The following MYCBP2 variants were observed in gnomAD, a reference collection of about 807,000 sequenced individuals.
MYCBP2 encodes MYC binding protein 2, also known as E3 ubiquitin-protein ligase MYCBP2.
In MYCBP2, 120 loss-of-function variants were observed where a neutral mutation model predicts 525.3. The ratio of observed to expected loss-of-function variants is 0.23; its 90% confidence interval spans 0.20 to 0.27. MYCBP2 has a LOEUF of 0.27. MYCBP2 is among the 10% of genes least tolerant of loss of function. The pLI is 1.00. For synonymous variants in MYCBP2, 1,894 were observed against 1,955.8 expected, an observed-to-expected ratio of 0.97 and a Z score of 0.83; for missense variants, 4,149 against 5,657.1, an observed-to-expected ratio of 0.73 and a Z score of 8.55.
At chr13:77,235,293 C>T (rs966084343) in intron 17 of MYCBP2, among the ~76,000 whole-genome samples, 1 of 151,944 alleles carries the variant, frequency 6.6e-6, no homozygotes, top group Non-Finnish European at 1.5e-5. Flanking sequence ...TAAATAAACT[C>T]AGGACAATCA....
At chr13:77,304,594 G>T (rs1174834843) in intron 1 of MYCBP2, among the ~76,000 whole-genome samples, 1 of 152,126 alleles carries the variant, frequency 6.6e-6, no homozygotes, top group Non-Finnish European at 1.5e-5. Flanking sequence ...ACAGCTAGAA[G>T]AGAGGATTTT....
At chr13:77,249,665 G>A (rs1406188435) in intron 15 of MYCBP2, among the ~76,000 whole-genome samples, 1 of 152,092 alleles carries the variant, frequency 6.6e-6, no homozygotes, top group East Asian at 1.9e-4. Context: ...AAAGTGCTGG[G>A]ATTACAGACA....
At position 77,309,703 on chromosome 13, in the gene MYCBP2, T is replaced by C. The variant is rs993075405; in HGVS notation, c.303-13029A>G. 2.0e-5 allele frequency among the ~76,000 whole-genome samples: 3 copies of C among 152,246 alleles called. No homozygotes were observed. In the East Asian group the frequency reaches 5.8e-4, roughly 29 times the overall value. ...TTTCACTTGTCAGAGTTACTGCAAC[T>C]GTCTCTTTAAAGGTAGCCCTGCTTT... is the stretch of plus-strand genomic sequence containing the variant. On this transcript the variant is annotated intron_variant, in intron 1 of 82. Transcript: ENST00000544440.
chr13:77,171,247 T>C (rs2059117100), intron 38 of MYCBP2, among the ~76,000 whole-genome samples: 1 of 152,218 alleles, frequency 6.6e-6, no homozygotes, highest in Non-Finnish European at 1.5e-5. Context: ...TCAAATACAA[T>C]TTTTCTTTTA....
At chr13:77,280,605 T>TA (rs2076089706) in intron 3 of MYCBP2, among the ~76,000 whole-genome samples, 1 of 152,184 alleles carries the variant, frequency 6.6e-6, no homozygotes, top group African/African-American at 2.4e-5. Context: ...TTATTATAGA[T>TA]ACAGTTTCCT....
intron 21 of MYCBP2, among the ~76,000 whole-genome samples, chr13:77,213,205 T>C (rs894949557): frequency 6.6e-5 from 10 of 152,368 alleles, no homozygotes; most frequent in African/African-American, 2.4e-4. Context: ...CCAGGTGCAG[T>C]AGCTCACGCC....
At chr13:77,139,416 C>A in intron 51 of MYCBP2, 80 bp from the exon 52 acceptor site, 1 of 1,463,044 alleles carries the variant, frequency 6.8e-7, no homozygotes, top group Non-Finnish European at 9.2e-7. Context: ...GTCTGCAAAG[C>A]AGAAAAATGA....
chr13:77,304,650 G>A (rs753840677), intron 1 of MYCBP2, among the ~76,000 whole-genome samples: 1 of 152,216 alleles, frequency 6.6e-6, no homozygotes, highest in Non-Finnish European at 1.5e-5. Flanking sequence ...AATGTCGGAG[G>A]TGATAAATAT....
intron 3 of MYCBP2, among the ~76,000 whole-genome samples, chr13:77,279,796 T>C (rs1277218096): frequency 6.6e-6 from 1 of 152,188 alleles, no homozygotes; most frequent in Non-Finnish European, 1.5e-5. Context: ...CTCTAAGAGT[T>C]TATAATCTAA....
At chr13:77,307,204 C>G (rs2154373241) in intron 1 of MYCBP2, among the ~76,000 whole-genome samples, 1 of 152,260 alleles carries the variant, frequency 6.6e-6, no homozygotes, top group East Asian at 1.9e-4. Flanking sequence ...AGCTCTTACT[C>G]TATCCAAGTA....
chr13:77,118,810 T>C (rs1439311705), intron 55 of MYCBP2, among the ~76,000 whole-genome samples: 1 of 152,162 alleles, frequency 6.6e-6, no homozygotes, highest in African/African-American at 2.4e-5. Flanking sequence ...GAATCAGTGA[T>C]AAATTGCTTC....
At chr13:77,289,982 G>A (rs929169836) in intron 2 of MYCBP2, among the ~76,000 whole-genome samples, 1 of 151,892 alleles carries the variant, frequency 6.6e-6, no homozygotes, top group African/African-American at 2.4e-5. Context: ...ATCCAACAAA[G>A]GATGAGTATT....
intron 61 of MYCBP2, among the ~76,000 whole-genome samples, chr13:77,088,304 G>C (rs565750130): frequency 3.8e-4 from 58 of 152,076 alleles, no homozygotes; most frequent in African/African-American, 1.3e-3. Flanking sequence ...TGTATCTCAA[G>C]CTCTAGGCAA....
intron 14 of MYCBP2, among the ~76,000 whole-genome samples, chr13:77,252,907 C>T (rs990530082): frequency 6.6e-6 from 1 of 152,068 alleles, no homozygotes; most frequent in Non-Finnish European, 1.5e-5. Context: ...CATTCCAATA[C>T]TGGAACTATT....
At chr13:77,066,427 A>G (rs1220892046) in intron 71 of MYCBP2, among the ~76,000 whole-genome samples, 1 of 152,216 alleles carries the variant, frequency 6.6e-6, no homozygotes, top group Non-Finnish European at 1.5e-5. Flanking sequence ...CACTAAGCAC[A>G]CTACTATTTA....
At chr13:77,211,000 T>C (rs2063935887) in intron 23 of MYCBP2, among the ~76,000 whole-genome samples, 167 bp downstream of exon 23, 2 of 152,144 alleles carry the variant, frequency 1.3e-5, no homozygotes, top group Admixed American at 1.3e-4. Context: ...TTAACCACTA[T>C]GCTACAGTAT....
chr13:77,278,731 C>T (rs2075881510), intron 4 of MYCBP2, 27 bp downstream of exon 4: 1 of 1,462,754 alleles, frequency 6.8e-7, no homozygotes. Flanking sequence ...CTTTTAAATG[C>T]TTCACTGAAT....
At chr13:77,106,355 T>C (rs558281386) in intron 55 of MYCBP2, among the ~76,000 whole-genome samples, 46 of 152,290 alleles carry the variant, frequency 3.0e-4, no homozygotes, top group South Asian at 1.7e-3. Flanking sequence ...TGTTCTATAA[T>C]CAAGCTGTGA....
At chr13:77,323,417 T>A (rs2081934209) in intron 1 of MYCBP2, among the ~76,000 whole-genome samples, 1 of 152,226 alleles carries the variant, frequency 6.6e-6, no homozygotes, top group Non-Finnish European at 1.5e-5. Context: ...CCTGTTCCCA[T>A]TTCAAGGCCT....
Sources: allele counts gnomAD v4.1 joint callset (sites outside exome capture counted in the v4.1 genomes callset), GRCh38; gene constraint gnomAD v4.1.1; transcripts MANE v1.5; gene names NCBI Gene and HGNC (gene_info 2026-07-23, HGNC 2026-07-21).